Variants in SLC9A9 observed in about 807,000 individuals in gnomAD.
SLC9A9 encodes the protein sodium/hydrogen exchanger 9.
Under a neutral mutation model 77.8 loss-of-function variants are expected in SLC9A9, and 62 were observed. That is an observed-to-expected ratio of 0.80 (90% CI 0.65 to 0.98). SLC9A9 has a LOEUF of 0.98. Ranked by LOEUF, SLC9A9 falls within the 50% of genes least tolerant of loss-of-function variation. The pLI, the probability that SLC9A9 is intolerant of heterozygous loss-of-function variation, is 0.00. For missense variants in SLC9A9, 775 were observed against 774.9 expected, an observed-to-expected ratio of 1.00 and a Z score of 0.00; for synonymous variants, 320 against 283.5, an observed-to-expected ratio of 1.13 and a Z score of -1.29.
chr3:143,791,223 T>TA (rs546007738), intron 4 of SLC9A9, among the ~76,000 whole-genome samples: 262 of 152,220 alleles, frequency 1.7e-3, no homozygotes, highest in African/African-American at 5.9e-3. Context: ...ATCATTGAAA[T>TA]AAAAAAAGGT....
chr3:143,515,949 T>C, intron 9 of SLC9A9, among the ~76,000 whole-genome samples: 1 of 152,218 alleles, frequency 6.6e-6, no homozygotes, highest in East Asian at 1.9e-4. Context: ...TTGTATAAAA[T>C]TGGAGTGATC....
chr3:143,560,878 T>G (rs557475902), intron 8 of SLC9A9, among the ~76,000 whole-genome samples: 1 of 152,332 alleles, frequency 6.6e-6, no homozygotes, highest in African/African-American at 2.4e-5. Flanking sequence ...AATGCATTTT[T>G]CTAATTAAAA....
In SLC9A9 at chr3:143,561,268, T is replaced by C. The variant is rs1283559313; in HGVS notation, c.1001-8818A>G. On this transcript the variant is annotated intron_variant, in intron 8 of 15. Coordinates refer to ENST00000316549, the MANE Select transcript of SLC9A9 (RefSeq NM_173653.4). ...TAGAAATAGGATAACAATAAGTTTA[T>C]ACCACATACCCTATCAAAACCAATG... 2.0e-5 allele frequency among the ~76,000 whole-genome samples: 3 copies of C among 152,334 alleles called. No homozygotes were observed. The East Asian group carries it at 5.8e-4, about 29-fold the overall frequency.
intron 12 of SLC9A9, among the ~76,000 whole-genome samples, chr3:143,393,189 G>C (rs2033613891): frequency 6.6e-6 from 1 of 152,110 alleles, no homozygotes; most frequent in Non-Finnish European, 1.5e-5. Context: ...TGACCACATA[G>C]TTGGAAGTAA....
chr3:143,462,283 G>A (rs779498822), intron 12 of SLC9A9, among the ~76,000 whole-genome samples: 1 of 152,104 alleles, frequency 6.6e-6, no homozygotes, highest in Non-Finnish European at 1.5e-5. Flanking sequence ...TGAGGCAGGA[G>A]GATCACTTGA....
chr3:143,446,830 G>A (rs1234056588), intron 12 of SLC9A9, among the ~76,000 whole-genome samples: 1 of 152,086 alleles, frequency 6.6e-6, no homozygotes, highest in East Asian at 1.9e-4. Flanking sequence ...CACATTTGGG[G>A]GAAATTAAAA....
intron 14 of SLC9A9, among the ~76,000 whole-genome samples, chr3:143,269,548 C>T (rs2108396250): frequency 6.6e-6 from 1 of 152,320 alleles, no homozygotes; most frequent in African/African-American, 2.4e-5. Flanking sequence ...ATTCTGTTGT[C>T]TAGCACCTGT....
intron 9 of SLC9A9, among the ~76,000 whole-genome samples, chr3:143,518,721 C>T (rs1285044038): frequency 1.3e-5 from 2 of 152,184 alleles, no homozygotes; most frequent in Non-Finnish European, 2.9e-5. Context: ...TTATGATTAA[C>T]TCATTTTCCT....
chr3:143,767,376 A>G lies in SLC9A9; in HGVS notation c.533+27625T>C, dbSNP rs112485168. Among the ~76,000 whole-genome samples, 599 of 141,368 alleles carry G rather than the reference A, an allele frequency of 4.2e-3. 3 individuals carry two copies. Among genetic ancestry groups the G allele is most frequent in the East Asian group, 0.012 (56 of 4,822 alleles). The allele number at this position is 141,368 out of a possible 152,430, so 92.7% of individuals were successfully genotyped here. A position where few individuals can be genotyped will look rare whatever the true frequency, so the allele number is the denominator to read the frequency against. ...TTTGTGAAACAGTAAGTGTCTGTGT[A>G]TGTGTGTGTGTGTGTGTGTGTGTGT... On this transcript the variant is annotated intron_variant, in intron 4 of 15. Coordinates refer to ENST00000316549, the MANE Select transcript of SLC9A9 (RefSeq NM_173653.4).
intron 2 of SLC9A9, among the ~76,000 whole-genome samples, chr3:143,825,448 G>A (rs1032943123): frequency 6.6e-6 from 1 of 151,796 alleles, no homozygotes; most frequent in Admixed American, 6.6e-5. Flanking sequence ...TTTATTTAAA[G>A]CTACAAAAAA....
chr3:143,647,885 G>T (rs188495462), intron 6 of SLC9A9, among the ~76,000 whole-genome samples: 1 of 152,046 alleles, frequency 6.6e-6, no homozygotes, highest in Non-Finnish European at 1.5e-5. Flanking sequence ...TTAACTAAGT[G>T]ATTCATTCCT....
chr3:143,834,006 A>G (rs2009504013), intron 1 of SLC9A9, among the ~76,000 whole-genome samples: 1 of 152,200 alleles, frequency 6.6e-6, no homozygotes, highest in Non-Finnish European at 1.5e-5. Flanking sequence ...AGAACTATTG[A>G]AAGATTTTAG....
At chr3:143,341,171 C>A (rs565760418) in intron 14 of SLC9A9, among the ~76,000 whole-genome samples, 1 of 152,002 alleles carries the variant, frequency 6.6e-6, no homozygotes, top group East Asian at 1.9e-4. Context: ...TTGGTGTGAT[C>A]GGGAGGTGAA....
intron 4 of SLC9A9, among the ~76,000 whole-genome samples, chr3:143,751,169 C>T (rs1177288850): frequency 6.6e-6 from 1 of 152,198 alleles, no homozygotes; most frequent in African/African-American, 2.4e-5. Flanking sequence ...AAGAGTGCAG[C>T]TCTTGCTGCT....
At chr3:143,567,161 CA>C (rs1226052888) in intron 8 of SLC9A9, among the ~76,000 whole-genome samples, 1 of 152,018 alleles carries the variant, frequency 6.6e-6, no homozygotes, top group Non-Finnish European at 1.5e-5. Flanking sequence ...TGTATTTACC[CA>C]AAAGCCACAT....
intron 14 of SLC9A9, chr3:143,344,481 C>G (rs896286352): frequency 2.6e-5 from 4 of 152,096 alleles, no homozygotes; most frequent in African/African-American, 9.7e-5. Context: ...AGTTACAGAT[C>G]TCTTAAAAAA....
chr3:143,733,521 CCACCT>C (rs1209084949), intron 4 of SLC9A9, among the ~76,000 whole-genome samples: 1 of 151,950 alleles, frequency 6.6e-6, no homozygotes, highest in Non-Finnish European at 1.5e-5. Context: ...GCAAGGGAGC[CCACCT>C]CATTGAGGTC....
chr3:143,534,272 T>C (rs2036555879), intron 9 of SLC9A9, among the ~76,000 whole-genome samples: 1 of 152,266 alleles, frequency 6.6e-6, no homozygotes, highest in South Asian at 2.1e-4. Context: ...TTTTAAATAA[T>C]GTGTAACTTC....
intron 14 of SLC9A9, among the ~76,000 whole-genome samples, chr3:143,334,017 T>A (rs2031853099): frequency 1.3e-5 from 2 of 152,236 alleles, no homozygotes. Flanking sequence ...ATTAATTTTG[T>A]ATTTGAAAAA....
Sources: allele counts gnomAD v4.1 joint callset (sites outside exome capture counted in the v4.1 genomes callset), GRCh38; gene constraint gnomAD v4.1.1; transcripts MANE v1.5; gene names NCBI Gene and HGNC (gene_info 2026-07-23, HGNC 2026-07-21).